Variants in MAP2K6 observed in about 807,000 individuals in gnomAD.
MAP2K6 encodes dual specificity mitogen-activated protein kinase kinase 6.
A neutral mutation model predicts 53.7 loss-of-function variants in MAP2K6; 16 were observed. That is an observed-to-expected ratio of 0.30 (90% CI 0.20 to 0.45). The LOEUF (loss-of-function observed/expected upper bound fraction) is 0.45, where lower values mean the gene tolerates loss of function less well. Ranked by LOEUF, MAP2K6 falls within the 20% of genes least tolerant of loss-of-function variation. The pLI is 1.00. For synonymous variants in MAP2K6, 132 were observed against 143.1 expected, an observed-to-expected ratio of 0.92 and a Z score of 0.55; for missense variants, 204 against 411.9, an observed-to-expected ratio of 0.50 and a Z score of 4.37.
At chr17:69,433,590 T>A (rs1906540902) in intron 1 of MAP2K6, 1 of 152,230 alleles carries the variant, frequency 6.6e-6, no homozygotes. Context: ...ACTGTGTGGT[T>A]CACTGCTAGG....
intron 1 of MAP2K6, among the ~76,000 whole-genome samples, chr17:69,467,345 T>C (rs1907846931): frequency 6.6e-6 from 1 of 152,244 alleles, no homozygotes; most frequent in African/African-American, 2.4e-5. Context: ...GATATCTGAC[T>C]GCTCTGCTCT....
At chr17:69,533,417 A>G (rs1261614475) in intron 10 of MAP2K6, among the ~76,000 whole-genome samples, 3 of 152,200 alleles carry the variant, frequency 2.0e-5, no homozygotes. Flanking sequence ...AATATAAGGT[A>G]AAAAATCAGC....
intron 6 of MAP2K6, chr17:69,520,765 C>A: frequency 2.5e-6 from 1 of 400,316 alleles, no homozygotes; most frequent in Non-Finnish European, 4.4e-6. Flanking sequence ...AGGTCTTCTA[C>A]CTTCATGGCT....
intron 1 of MAP2K6, among the ~76,000 whole-genome samples, chr17:69,423,035 C>T (rs898231706): frequency 9.2e-5 from 14 of 152,138 alleles, no homozygotes; most frequent in Non-Finnish European, 1.9e-4. Flanking sequence ...AGGTGTGCAC[C>T]ACCACGCCCA....
intron 10 of MAP2K6, among the ~76,000 whole-genome samples, chr17:69,527,209 G>A (rs1444673643): frequency 1.3e-5 from 2 of 152,212 alleles, no homozygotes; most frequent in Middle Eastern, 3.2e-3. Flanking sequence ...TAGAGGCCTG[G>A]GGATAGGAAG....
At position 69,494,233 on chromosome 17, in the gene MAP2K6, C is replaced by T. The variant is rs539234081; in HGVS notation, c.17-11547C>T. On this transcript the variant is annotated intron_variant, in intron 1 of 11. Transcript: ENST00000590474. The surrounding 1 kb of genome is among the most constrained non-coding windows in gnomAD (Gnocchi z 4.2). ...TGGAGGGAGGTCAGGTGCAGTGGCT[C>T]ACGCCTGTAATCCCAGCATGTTGGG... Among the ~76,000 whole-genome samples the T allele has an allele frequency of 5.9e-5, 9 of 152,352 alleles. No individual in the cohort carries two copies. The highest frequency in any genetic ancestry group is 5.2e-4 in the Admixed American group (8 of 15,296).
intron 1 of MAP2K6, among the ~76,000 whole-genome samples, chr17:69,430,743 C>G (rs779052080): frequency 1.3e-5 from 2 of 152,162 alleles, no homozygotes; most frequent in Admixed American, 6.5e-5. Context: ...CAAGCCACTT[C>G]GTTTAAGACA....
At chr17:69,516,323 G>C (rs963856741) in intron 2 of MAP2K6, among the ~76,000 whole-genome samples, 2 of 151,970 alleles carry the variant, frequency 1.3e-5, no homozygotes, top group Admixed American at 1.3e-4. Flanking sequence ...GTTCACAGTA[G>C]GGTTTGTGCT....
rs948900543 is a variant in MAP2K6 at position 69,541,830 on chromosome 17, A to G, written c.*77A>G. 1.7e-5 allele frequency: 18 copies of G among 1,033,784 alleles called. No homozygotes were observed. The highest frequency in any genetic ancestry group is 5.0e-5 in the East Asian group (2 of 40,368). 64.0% of individuals were successfully genotyped at this position (1,033,784 alleles called of 1,614,324 possible). A position where few individuals can be genotyped will look rare whatever the true frequency, so the allele number is the denominator to read the frequency against. The stretch of plus-strand genomic sequence containing the variant: ...GTGAAGCAAGTTCACTACAGCATCA[A>G]TAGAAAGTCATCTTTGAGATAATTT... On this transcript the variant is annotated 3_prime_UTR_variant, in exon 12 of 12. Coordinates refer to ENST00000590474, the MANE Select transcript of MAP2K6 (RefSeq NM_002758.4).
chr17:69,463,784 G>A (rs1184439640), intron 1 of MAP2K6, among the ~76,000 whole-genome samples: 2 of 151,998 alleles, frequency 1.3e-5, no homozygotes, highest in East Asian at 1.9e-4. Flanking sequence ...TTGGGAGGCC[G>A]AGGTGGGTGG....
At chr17:69,442,589 T>C (rs1373541539) in intron 1 of MAP2K6, among the ~76,000 whole-genome samples, 1 of 152,206 alleles carries the variant, frequency 6.6e-6, no homozygotes, top group South Asian at 2.1e-4. Context: ...TCATTCACAA[T>C]ATATATCACA....
chr17:69,508,041 GTTTTTTTTTT>G (rs71144698), intron 2 of MAP2K6, among the ~76,000 whole-genome samples: 15 of 44,898 alleles, frequency 3.3e-4, no homozygotes, highest in African/African-American at 1.0e-3. Context: ...TATATATGTA[GTTTTTTTTTT>G]TTTTTTTTTT....
chr17:69,465,802 A>G lies in MAP2K6; in HGVS notation c.17-39978A>G, dbSNP rs1907778302. ...GTCCAGCTAATGTTTTGTATTTAGT[A>G]GAGATGGGATCTCACCATGTTGGCT... is the stretch of plus-strand genomic sequence containing the variant. On this transcript the variant is annotated intron_variant, in intron 1 of 11. Transcript: ENST00000590474. Among the ~76,000 whole-genome samples, 3 of 151,482 alleles carry G rather than the reference A, an allele frequency of 2.0e-5. No homozygotes were observed. The South Asian group carries it at 6.3e-4, about 32-fold the overall frequency.
intron 1 of MAP2K6, among the ~76,000 whole-genome samples, chr17:69,464,920 T>C (rs958482303): frequency 6.6e-6 from 1 of 152,028 alleles, no homozygotes; most frequent in African/African-American, 2.4e-5. Flanking sequence ...TTCACCATGT[T>C]GGTCTGGTTG....
rs1911998025 is a variant in MAP2K6 at position 69,549,200 on chromosome 17, G to T, written c.*7447G>T. 6.6e-6 allele frequency: 1 copy of T among 152,186 alleles called. No individual in the cohort carries two copies. The highest frequency in any genetic ancestry group is 1.5e-5 in the Non-Finnish European group (1 of 68,020). The allele number at this position is 152,186 out of a possible 1,614,324, so 9.4% of individuals were successfully genotyped here. A position where few individuals can be genotyped will look rare whatever the true frequency, so the allele number is the denominator to read the frequency against. Reference sequence around the variant, plus strand: ...TTCTTAGATGTTGTCAGTATGAACAGAATTTTTTTGTGAACAGTTAATCTT... The same window carrying T: ...TTCTTAGATGTTGTCAGTATGAACATAATTTTTTTGTGAACAGTTAATCTT... On this transcript the variant is annotated 3_prime_UTR_variant, in exon 12 of 12. Coordinates refer to ENST00000590474, the MANE Select transcript of MAP2K6 (RefSeq NM_002758.4).
chr17:69,492,807 C>T (rs1408358399), intron 1 of MAP2K6, among the ~76,000 whole-genome samples: 3 of 152,172 alleles, frequency 2.0e-5, no homozygotes, highest in Non-Finnish European at 4.4e-5. Flanking sequence ...TTAATTTAAT[C>T]ACATCTGCAA....
intron 5 of MAP2K6, 162 bp downstream of exon 5, chr17:69,519,594 T>C: frequency 4.0e-6 from 3 of 746,762 alleles, no homozygotes; most frequent in Non-Finnish European, 6.3e-6. Context: ...TGGAGCAAGG[T>C]TGGATTGAAA....
At chr17:69,471,080 AATTG>A (rs1907967393) in intron 1 of MAP2K6, among the ~76,000 whole-genome samples, 1 of 152,260 alleles carries the variant, frequency 6.6e-6, no homozygotes, top group African/African-American at 2.4e-5. Flanking sequence ...CAGGTAAATT[AATTG>A]ATTGAGCATA....
chr17:69,430,496 T>G (rs1290615244), intron 1 of MAP2K6, among the ~76,000 whole-genome samples: 1 of 152,252 alleles, frequency 6.6e-6, no homozygotes, highest in Non-Finnish European at 1.5e-5. Flanking sequence ...CATCTCTGAT[T>G]CTTTCAGCTT....
Sources: gnomAD v4.1 joint callset for allele counts (sites outside exome capture counted in the v4.1 genomes callset) on GRCh38, gnomAD v4.1.1 for gene constraint, Gnocchi (gnomAD v3.1) non-coding constraint, MANE v1.5 for transcripts, NCBI Gene and HGNC (gene_info 2026-07-23, HGNC 2026-07-21) for gene names.